The following CTNNA2 variants were observed in gnomAD, a reference collection of about 807,000 sequenced individuals.
CTNNA2 encodes catenin alpha-2.
CTNNA2 carries 42 observed loss-of-function variants against 101.0 expected under a neutral mutation model. The ratio of observed to expected loss-of-function variants is 0.42; its 90% CI spans 0.32 to 0.54. The LOEUF (loss-of-function observed/expected upper bound fraction) is 0.54. Ranked by LOEUF, CTNNA2 falls within the 20% of genes least tolerant of loss-of-function variation. CTNNA2 has a pLI of 0.14. For synonymous variants in CTNNA2, 450 were observed against 456.4 expected (o/e 0.99, Z 0.18); for missense variants, 871 against 1,223.1 (o/e 0.71, Z 4.29).
At chr2:79,328,140 C>G (rs1481303067) in intron 3 of CTNNA2, among the ~76,000 whole-genome samples, 2 of 152,052 alleles carry the variant, frequency 1.3e-5, no homozygotes, top group East Asian at 1.9e-4. Flanking sequence ...CCAGAGTAGG[C>G]CTTAAAAGAT....
rs1434096 is a variant in CTNNA2 at position 79,890,032 on chromosome 2, C to T, written c.852+15690C>T. On this transcript the variant is annotated intron_variant, in intron 6 of 18. Coordinates refer to ENST00000402739, the MANE Select transcript of CTNNA2 (RefSeq NM_001282597.3). ...AGACCTAACAAGTCCAGTGTGAATACTAAGAATGTAAGTTTCTCCATTGTG... is the reference window on the plus strand; with the variant it reads ...AGACCTAACAAGTCCAGTGTGAATATTAAGAATGTAAGTTTCTCCATTGTG... 0.025 allele frequency among the ~76,000 whole-genome samples: 3,858 copies of T among 152,268 alleles called. 305 individuals are homozygous for T. In the East Asian group the frequency reaches 0.31, roughly 12 times the overall value.
chr2:79,586,217 T>C (rs1676477195), intron 1 of CTNNA2, among the ~76,000 whole-genome samples: 1 of 152,150 alleles, frequency 6.6e-6, no homozygotes, highest in Admixed American at 6.5e-5. Flanking sequence ...TGTGGTGTAG[T>C]ACATCTTCAA....
intron 1 of CTNNA2, among the ~76,000 whole-genome samples, chr2:79,590,403 A>G (rs942681432): frequency 1.3e-5 from 2 of 152,188 alleles, no homozygotes; most frequent in Non-Finnish European, 2.9e-5. Context: ...AGTTTAGTCT[A>G]TAGAATATCT....
At chr2:80,111,287 A>T (rs182552876) in intron 7 of CTNNA2, among the ~76,000 whole-genome samples, 1 of 152,318 alleles carries the variant, frequency 6.6e-6, no homozygotes, top group Admixed American at 6.5e-5. Flanking sequence ...AGCATCTCAC[A>T]TTTAAAATGT....
In CTNNA2 at chr2:80,472,284, A is replaced by G. The variant is rs150717610; in HGVS notation, c.1290+52683A>G. On this transcript the variant is annotated intron_variant, in intron 9 of 18. Coordinates refer to ENST00000402739, the MANE Select transcript of CTNNA2 (RefSeq NM_001282597.3). ...GCAGCTCAGTGGCACCAAAAGGACT[A>G]TATTTCACAGACTGCATGTATCTAG... 2.8e-3 allele frequency among the ~76,000 whole-genome samples: 433 copies of G among 152,300 alleles called. 2 individuals carry two copies. The highest frequency in any genetic ancestry group is 0.01 in the African/African-American group (420 of 41,564).
intron 1 of CTNNA2, among the ~76,000 whole-genome samples, chr2:79,606,093 CAAT>C (rs951108169): frequency 2.0e-5 from 3 of 151,836 alleles, no homozygotes; most frequent in African/African-American, 7.3e-5. Flanking sequence ...GTGAAAAAAT[CAAT>C]AATATCTTGC....
At chr2:79,798,542 C>A (rs1675897713) in intron 3 of CTNNA2, among the ~76,000 whole-genome samples, 3 of 143,826 alleles carry the variant, frequency 2.1e-5, no homozygotes, top group Non-Finnish European at 3.0e-5. Context: ...TAAAAGCCAA[C>A]TAATTTATAT....
chr2:80,055,096 A>G (rs1252721468), intron 7 of CTNNA2, among the ~76,000 whole-genome samples: 2 of 152,114 alleles, frequency 1.3e-5, no homozygotes, highest in Non-Finnish European at 2.9e-5. Context: ...ATGGGATCCT[A>G]GTTCGAACTG....
intron 3 of CTNNA2, among the ~76,000 whole-genome samples, chr2:79,795,940 G>A (rs546040992): frequency 3.3e-5 from 5 of 152,070 alleles, no homozygotes; most frequent in Non-Finnish European, 7.4e-5. Context: ...ACTCAGTTCC[G>A]TTTTGTTATG....
chr2:79,934,953 A>G (rs1220393996), intron 7 of CTNNA2, among the ~76,000 whole-genome samples: 1 of 152,198 alleles, frequency 6.6e-6, no homozygotes, highest in African/African-American at 2.4e-5. Context: ...AGGGCTCAAT[A>G]GTTATTTGGA....
chr2:80,171,019 T>C (rs1425942893), intron 7 of CTNNA2, among the ~76,000 whole-genome samples: 1 of 152,226 alleles, frequency 6.6e-6, no homozygotes, highest in African/African-American at 2.4e-5. Context: ...AAGTTGTTGA[T>C]TAGCAGAAGA....
intron 3 of CTNNA2, among the ~76,000 whole-genome samples, chr2:79,790,159 AG>A (rs1340635210): frequency 2.6e-5 from 4 of 152,222 alleles, no homozygotes; most frequent in East Asian, 1.9e-4. Context: ...TATCTTACGT[AG>A]AATTTGTAGA....
rs70940064 is a variant in CTNNA2 at position 79,982,192 on chromosome 2, CTATATATATATATATATATA to C, written c.1056+72425_1056+72444del. On this transcript the variant is annotated intron_variant, in intron 7 of 18. Transcript: ENST00000402739. Reference sequence around the variant, plus strand: ...TACCTGAGACCACAGGCATGTGCCACTATATATATATATATATATATATATATATATATATATATATATAT... The same window carrying C: ...TACCTGAGACCACAGGCATGTGCCACTATATATATATATATATATATATAT... 2.9e-3 allele frequency among the ~76,000 whole-genome samples: 217 copies of C among 75,046 alleles called. 6 individuals carry two copies. Among genetic ancestry groups the C allele is most frequent in the African/African-American group, 0.013 (180 of 14,384 alleles). The allele number at this position is 75,046 out of a possible 152,430, so 49.2% of individuals were successfully genotyped here. A position where few individuals can be genotyped will look rare whatever the true frequency, so the allele number is the denominator to read the frequency against.
At chr2:80,072,590 C>G (rs544297452) in intron 7 of CTNNA2, among the ~76,000 whole-genome samples, 27 of 152,212 alleles carry the variant, frequency 1.8e-4, no homozygotes, top group African/African-American at 6.5e-4. Flanking sequence ...TTGAAAAGCC[C>G]TGCCACTAAG....
Position 80,428,190 on chromosome 2 carries a change from A to G in CTNNA2, c.1290+8589A>G, listed in dbSNP as rs193143675. 4.9e-4 allele frequency among the ~76,000 whole-genome samples: 74 copies of G among 152,294 alleles called. 1 individual carries two copies. The East Asian group carries it at 0.014, about 29-fold the overall frequency. ...AGAGACCAGTGTGACTGGAGCCGAG[A>G]ATGAGAGGAAAAATTACAGAGATTA... On this transcript the variant is annotated intron_variant, in intron 9 of 18. Transcript: ENST00000402739.
At position 79,529,607 on chromosome 2, in the gene CTNNA2, ATGAGACACATT is replaced by A. The variant is rs1672620609; in HGVS notation, c.-6+16402_-6+16412del. Among the ~76,000 whole-genome samples the A allele has an allele frequency of 3.9e-5, 6 of 152,178 alleles. 1 individual carries two copies. In the South Asian group the frequency reaches 1.2e-3, roughly 32 times the overall value. On this transcript the variant is annotated intron_variant, in intron 1 of 18. Coordinates refer to ENST00000402739, the MANE Select transcript of CTNNA2 (RefSeq NM_001282597.3). ...AATACCACTGCTTAAGTGACAAATAATGAGACACATTTAATGGGAAAGAAAGAGAGGAATCG... is the reference window on the plus strand; with the variant it reads ...AATACCACTGCTTAAGTGACAAATAATAATGGGAAAGAAAGAGAGGAATCG...
At chr2:80,591,457 G>GTTTTCTTTTTTTTTTTTTTTT (rs1696486168) in intron 15 of CTNNA2, among the ~76,000 whole-genome samples, 1 of 70,314 alleles carries the variant, frequency 1.4e-5, no homozygotes, top group Non-Finnish European at 3.0e-5. Flanking sequence ...TGCACAGCCT[G>GTTTTCTTTTTTTTTTTTTTTT]TTTTTTTTTT....
intron 9 of CTNNA2, among the ~76,000 whole-genome samples, chr2:80,461,817 C>A (rs1684454225): frequency 6.6e-6 from 1 of 152,124 alleles, no homozygotes; most frequent in African/African-American, 2.4e-5. Context: ...GAAGTATATC[C>A]TCCCTCAGAA....
At chr2:79,613,373 A>G (rs1388065658) in intron 1 of CTNNA2, among the ~76,000 whole-genome samples, 1 of 150,720 alleles carries the variant, frequency 6.6e-6, no homozygotes, top group Non-Finnish European at 1.5e-5. Context: ...TTCTTGAAAT[A>G]GGAAGAGACA....
Sources: gnomAD v4.1 joint callset for allele counts (sites outside exome capture counted in the v4.1 genomes callset) on GRCh38, gnomAD v4.1.1 for gene constraint, MANE v1.5 for transcripts, NCBI Gene and HGNC (gene_info 2026-07-23, HGNC 2026-07-21) for gene names.